Variants in APC observed in about 807,000 individuals in gnomAD.
APC encodes adenomatous polyposis coli protein.
Under a neutral mutation model 247.0 loss-of-function variants are expected in APC, and 72 were observed. That is an observed-to-expected ratio of 0.29 (90% CI 0.24 to 0.35). APC has a LOEUF of 0.35. APC is among the 10% of genes least tolerant of loss of function. The pLI is 1.00. For synonymous variants in APC, 1,254 were observed against 1,162.5 expected (o/e 1.08, Z -1.60); for missense variants, 3,400 against 3,360.7 (o/e 1.01, Z -0.29).
intron 11 of APC, among the ~76,000 whole-genome samples, chr5:112,826,717 TAAAG>T (rs1201101665): frequency 6.6e-6 from 1 of 151,306 alleles, no homozygotes; most frequent in Non-Finnish European, 1.5e-5. Context: ...TGTATGACAA[TAAAG>T]AGTGTTTATA....
intron 8 of APC, among the ~76,000 whole-genome samples, chr5:112,813,286 T>C (rs1762162257): frequency 6.6e-6 from 1 of 152,224 alleles, no homozygotes; most frequent in Non-Finnish European, 1.5e-5. Flanking sequence ...TAGCTAATTA[T>C]TGTGAACGAT....
intron 8 of APC, among the ~76,000 whole-genome samples, chr5:112,812,196 A>G (rs1762054323): frequency 6.6e-6 from 1 of 152,212 alleles, no homozygotes; most frequent in Non-Finnish European, 1.5e-5. Context: ...CTAAAGGGGA[A>G]GGGATTACAA....
At chr5:112,808,117 T>A (rs1468124891) in intron 8 of APC, among the ~76,000 whole-genome samples, 2 of 152,080 alleles carry the variant, frequency 1.3e-5, no homozygotes, top group African/African-American at 4.8e-5. Context: ...ATCGCACCAC[T>A]GCACTCCACC....
rs750217875 is a variant in APC at position 112,838,245 on chromosome 5, C to G, written c.2651C>G (p.Ala884Gly). ...SKRGLQISTT[A>G]AQIAKVMEEV... ...CGAGGTTTGCAGATCTCCACCACTGCAGCCCAGATTGCCAAAGTCATGGAA... is the reference window on the plus strand; with the variant it reads ...CGAGGTTTGCAGATCTCCACCACTGGAGCCCAGATTGCCAAAGTCATGGAA... Residue 884 changes from alanine (A) to glycine (G), a missense_variant, in exon 16 of 16, where the codon GCA becomes GGA. Around this residue, in one of 9 missense-constraint regions of APC, gnomAD observed 715 missense variants for 656.6 expected, o/e 1.09. Transcript: ENST00000257430. 1.2e-6 allele frequency: 2 copies of G among 1,614,202 alleles called. No individual in the cohort carries two copies. The highest frequency in any genetic ancestry group is 1.7e-6 in the Non-Finnish European group (2 of 1,180,034).
rs1561514828 is a variant in APC, at chr5:112,801,274, A to G, written c.730-5A>G. The G allele has an allele frequency of 6.2e-7, 1 of 1,611,620 alleles. No individual in the cohort carries two copies. Among genetic ancestry groups the G allele is most frequent in the Non-Finnish European group, 8.5e-7 (1 of 1,178,194 alleles). On this transcript the variant is annotated splice_polypyrimidine_tract_variant and splice_region_variant and intron_variant, in intron 7 of 15. Coordinates refer to ENST00000257430, the MANE Select transcript of APC (RefSeq NM_000038.6). ...CATGTACTGATGTTAACTCCATCTT[A>G]ACAGAGGTCATCTCAGAACAAGCAT...
intron 4 of APC, 118 bp downstream of exon 4, chr5:112,767,508 G>T: frequency 1.2e-6 from 1 of 814,956 alleles, no homozygotes; most frequent in Non-Finnish European, 1.9e-6. Context: ...AGAGCATTTT[G>T]CATTTTTAAA....
chr5:112,799,615 A>G (rs1760591556), intron 7 of APC, among the ~76,000 whole-genome samples: 1 of 152,192 alleles, frequency 6.6e-6, no homozygotes, highest in Non-Finnish European at 1.5e-5. Context: ...AACTTTATCC[A>G]TTAATATATT....
chr5:112,767,197 T>G lies in APC; in HGVS notation c.229T>G (p.Leu77Val), dbSNP rs1756429303. ...GTTTCTATTTTATTTAGAGCTTAAC[T>G]TAGATAGCAGTAATTTCCCTGGAGT... is the stretch of plus-strand genomic sequence containing the variant. ...DLLERLKELN[L>V]DSSNFPGVKL... The change falls in exon 4 of 16, where the codon TTA becomes GTA. Residue 77 changes from leucine (L) to valine (V), a missense_variant. Physicochemically the swap from Leu to Val is conservative, Grantham distance 32. Transcript: ENST00000257430. 1 of 1,613,606 alleles carries G rather than the reference T, an allele frequency of 6.2e-7. No homozygotes were observed. Among genetic ancestry groups the G allele is most frequent in the Non-Finnish European group, 8.5e-7 (1 of 1,179,490 alleles).
chr5:112,734,914 C>T (rs1449384770), upstream of APC, among the ~76,000 whole-genome samples: 1 of 150,974 alleles, frequency 6.6e-6, no homozygotes, highest in Non-Finnish European at 1.5e-5. Flanking sequence ...CCTCAGCCTC[C>T]CAAGTAGCTG....
intron 4 of APC, among the ~76,000 whole-genome samples, chr5:112,772,245 A>G (rs1227841321): frequency 1.3e-5 from 2 of 152,186 alleles, no homozygotes; most frequent in African/African-American, 4.8e-5. Flanking sequence ...CTAAACCCTA[A>G]TGACTCTGCC....
intron 4 of APC, among the ~76,000 whole-genome samples, chr5:112,771,269 A>T (rs1757015398): frequency 6.6e-6 from 1 of 152,074 alleles, no homozygotes; most frequent in African/African-American, 2.4e-5. Flanking sequence ...CGGGAGCAGA[A>T]ACTTGTGCCT....
chr5:112,827,016 G>GTT, intron 11 of APC, 92 bp from the exon 12 acceptor site: 3 of 1,260,594 alleles, frequency 2.4e-6, no homozygotes, highest in Non-Finnish European at 3.4e-6. Context: ...CATTGATTGA[G>GTT]TTTTTTTTTC....
intron 1 of APC, among the ~76,000 whole-genome samples, chr5:112,732,816 A>G (rs1255354595): frequency 6.6e-6 from 1 of 152,224 alleles, no homozygotes; most frequent in African/African-American, 2.4e-5. Flanking sequence ...GGGTTGCTGG[A>G]TTACTTCATG....
intron 14 of APC, among the ~76,000 whole-genome samples, chr5:112,832,407 C>T (rs1764391971): frequency 6.6e-6 from 1 of 152,212 alleles, no homozygotes; most frequent in South Asian, 2.1e-4. Flanking sequence ...TGCATAAAAG[C>T]ACTCTATCTG....
At chr5:112,805,542 C>T (rs897541743) in intron 8 of APC, among the ~76,000 whole-genome samples, 2 of 152,200 alleles carry the variant, frequency 1.3e-5, no homozygotes, top group African/African-American at 4.8e-5. Flanking sequence ...TGGTTACTTT[C>T]AGTCACTGTT....
chr5:112,747,322 CCT>C (rs1753801361), intron 1 of APC, among the ~76,000 whole-genome samples: 1 of 152,098 alleles, frequency 6.6e-6, no homozygotes, highest in East Asian at 1.9e-4. Context: ...GAAATGTGAG[CCT>C]CTCTCAAATT....
At position 112,844,166 on chromosome 5, in the gene APC, T is replaced by C. The variant is rs2150007373; in HGVS notation, c.*40T>C. 3 of 1,530,646 alleles carry C rather than the reference T, an allele frequency of 2.0e-6. No homozygotes were observed. The East Asian group carries it at 6.8e-5, about 35-fold the overall frequency. 94.8% of individuals were successfully genotyped at this position (1,530,646 alleles called of 1,614,324 possible). A position where few individuals can be genotyped will look rare whatever the true frequency, so the allele number is the denominator to read the frequency against. On this transcript the variant is annotated 3_prime_UTR_variant, in exon 16 of 16. Transcript: ENST00000257430. ...GAAACTAAGAAAATTCTATGTTAAT[T>C]ACAACTGCTATATAGACATTTTGTT...
Position 112,840,633 on chromosome 5 carries a change from A to C in APC, c.5039A>C (p.Gln1680Pro). Reference sequence around the variant, plus strand: ...GGAGAAGGAGTTAGAGGAGGGGCACAGTCAGGTGAATTTGAAAAACGAGAT... The same window carrying C: ...GGAGAAGGAGTTAGAGGAGGGGCACCGTCAGGTGAATTTGAAAAACGAGAT... ...AAGEGVRGGA[Q>P]SGEFEKRDTI... is the part of the protein sequence containing the mutation. The change falls in exon 16 of 16, where the codon CAG becomes CCG. Residue 1680 changes from glutamine to proline, a missense_variant. By Grantham distance (76) the Gln-to-Pro change is moderately conservative. Around this residue, in one of 9 missense-constraint regions of APC, gnomAD observed 1,788 missense variants for 1,649.5 expected, o/e 1.08. Transcript: ENST00000257430. The surrounding 1 kb of genome is among the most constrained non-coding windows in gnomAD (Gnocchi z 4.1). 2 of 1,614,008 alleles carry C rather than the reference A, an allele frequency of 1.2e-6. No homozygotes were observed. Among genetic ancestry groups the C allele is most frequent in the Non-Finnish European group, 1.7e-6 (2 of 1,179,906 alleles).
At chr5:112,810,690 A>G (rs892021501) in intron 8 of APC, among the ~76,000 whole-genome samples, 2 of 152,224 alleles carry the variant, frequency 1.3e-5, no homozygotes, top group African/African-American at 4.8e-5. Flanking sequence ...GGGTGGAATA[A>G]GTGCAGGGCA....
Sources: allele counts gnomAD v4.1 joint callset (sites outside exome capture counted in the v4.1 genomes callset), GRCh38; gene constraint gnomAD v4.1.1; regional missense constraint gnomAD v4.1.1; non-coding constraint Gnocchi (gnomAD v3.1); transcripts MANE v1.5; gene names NCBI Gene and HGNC (gene_info 2026-07-23, HGNC 2026-07-21).